ANK3: variants seen among roughly 807,000 people sequenced by gnomAD.
The protein encoded by ANK3 is ankyrin-3.
In ANK3, 57 loss-of-function variants were observed where a neutral mutation model predicts 370.9. The observed-to-expected ratio is 0.15, with a 90% CI of 0.12 to 0.19. ANK3 has a LOEUF of 0.19. Ranked by LOEUF, ANK3 falls within the 10% of genes least tolerant of loss-of-function variation. The pLI is 1.00. For missense variants in ANK3, 4,439 were observed against 5,302.1 expected (o/e 0.84, Z 5.06); for synonymous variants, 1,929 against 1,946.3 (o/e 0.99, Z 0.23).
At chr10:60,695,143 G>T (rs906025127) in intron 1 of ANK3, among the ~76,000 whole-genome samples, 3 of 151,938 alleles carry the variant, frequency 2.0e-5, no homozygotes, top group African/African-American at 7.3e-5. Context: ...GATCAAAAGA[G>T]ACAAAGAAGT....
intron 2 of ANK3, among the ~76,000 whole-genome samples, chr10:60,511,393 T>C (rs936749669): frequency 6.6e-6 from 1 of 152,104 alleles, no homozygotes; most frequent in Non-Finnish European, 1.5e-5. Flanking sequence ...CTCCAAATAA[T>C]TGTAGAATTG....
chr10:60,070,469 C>T lies in ANK3; in HGVS notation c.10412G>A (p.Gly3471Glu). 6.2e-7 allele frequency: 1 copy of T among 1,614,122 alleles called. No individual in the cohort carries two copies. The highest frequency in any genetic ancestry group is 8.5e-7 in the Non-Finnish European group (1 of 1,180,006). Reference protein sequence around the residue: ...QSKLEVIEEEGKVGPDEDKPP... With the variant: ...QSKLEVIEEEEKVGPDEDKPP... Reference sequence around the variant, plus strand: ...CTTGTCCTCATCTGGTCCCACCTTTCCCTCCTCCTCGATAACTTCAAGTTT... The same window carrying T: ...CTTGTCCTCATCTGGTCCCACCTTTTCCTCCTCCTCGATAACTTCAAGTTT... The change falls in exon 37 of 44, where the codon GGA (glycine) becomes GAA (glutamate). Residue 3471 changes from glycine (G) to glutamate (E), a missense_variant. Transcript: ENST00000280772. This position sits in a 1 kb window ranked among gnomAD's most constrained non-coding sequence, Gnocchi z 5.7.
At chr10:60,585,754 T>C (rs558525605) in intron 2 of ANK3, among the ~76,000 whole-genome samples, 11 of 152,332 alleles carry the variant, frequency 7.2e-5, no homozygotes, top group African/African-American at 2.6e-4. Context: ...CTGGGTGCAG[T>C]GGCTCACGTA....
intron 3 of ANK3, 50 bp from the exon 4 acceptor site, chr10:60,278,922 C>T: frequency 6.3e-7 from 1 of 1,590,326 alleles, no homozygotes; most frequent in Non-Finnish European, 8.6e-7. Flanking sequence ...TTTGAATTTT[C>T]CTGTTCTCCC....
At chr10:60,558,040 G>A (rs548185062) in intron 2 of ANK3, among the ~76,000 whole-genome samples, 17 of 152,262 alleles carry the variant, frequency 1.1e-4, no homozygotes, top group African/African-American at 3.6e-4. Context: ...ATGGAAGACA[G>A]CAACTACAAA....
At position 60,166,659 on chromosome 10, in the gene ANK3, T is replaced by C. The variant is rs766245165; in HGVS notation, c.2552-6A>G. 3.7e-6 allele frequency: 6 copies of C among 1,613,244 alleles called. No homozygotes were observed. The African/African-American group carries it at 6.7e-5, about 18-fold the overall frequency. ...AGGGGCATTGGCTTTACGAACTGCA[T>C]GATTGAAGTGAACAATATAAGTGGA... is the stretch of plus-strand genomic sequence containing the variant. On this transcript the variant is annotated splice_region_variant and splice_polypyrimidine_tract_variant and intron_variant, in intron 22 of 43. Coordinates refer to ENST00000280772, the MANE Select transcript of ANK3 (RefSeq NM_020987.5).
chr10:60,049,698 TATA>T (rs1156879541), intron 42 of ANK3, among the ~76,000 whole-genome samples: 14 of 152,232 alleles, frequency 9.2e-5, no homozygotes, highest in Admixed American at 3.3e-4. Context: ...GTTAATATGT[TATA>T]ATCATATTTT....
intron 2 of ANK3, among the ~76,000 whole-genome samples, chr10:60,604,512 A>G (rs542792910): frequency 2.6e-5 from 4 of 152,304 alleles, no homozygotes; most frequent in African/African-American, 9.6e-5. Flanking sequence ...CTCTAATTTG[A>G]TTGCTGGCTT....
rs142831112 is a variant in ANK3 at position 60,420,672 on chromosome 10, T to G, written c.97-141033A>C. On this transcript the variant is annotated intron_variant, in intron 2 of 43. Coordinates refer to the ANK3 transcript ENST00000373827. ...ACCATTATTACACCTGAAATCCTGT[T>G]GTCCCCTAAATGAACAGTGTTTACA... is the stretch of plus-strand genomic sequence containing the variant. Among the ~76,000 whole-genome samples, 60 of 152,250 alleles carry G rather than the reference T, an allele frequency of 3.9e-4. No homozygotes were observed. The East Asian group carries it at 0.012, about 29-fold the overall frequency.
chr10:60,529,009 T>C (rs10821790), intron 2 of ANK3, among the ~76,000 whole-genome samples: 104,262 of 151,852 alleles, frequency 0.69, 36,196 homozygotes, highest in South Asian at 0.88. Flanking sequence ...CACATTTGAG[T>C]CATCTGTTAA....
chr10:60,237,584 G>GTTTCTTTTTTTT (rs1233481294), intron 7 of ANK3, among the ~76,000 whole-genome samples: 1 of 150,990 alleles, frequency 6.6e-6, no homozygotes, highest in Middle Eastern at 3.2e-3. Flanking sequence ...GGTGCCTTGA[G>GTTTCTTTTTTTT]TTTCTTTTTT....
At chr10:60,176,700 A>C (rs1193439913) in intron 18 of ANK3, among the ~76,000 whole-genome samples, 1 of 152,200 alleles carries the variant, frequency 6.6e-6, no homozygotes, top group Non-Finnish European at 1.5e-5. Context: ...TAGAGGTTGC[A>C]GTGAGCCAAG....
At chr10:60,240,306 A>ATATATATATATATTTTTT (rs11282162) in intron 7 of ANK3, among the ~76,000 whole-genome samples, 4 of 119,772 alleles carry the variant, frequency 3.3e-5, no homozygotes, top group Non-Finnish European at 5.1e-5. Flanking sequence ...ATATATATAT[A>ATATATATATATATTTTTT]TTTTTTTTTC....
chr10:60,192,814 C>G (rs1323767617), intron 16 of ANK3, among the ~76,000 whole-genome samples: 1 of 152,156 alleles, frequency 6.6e-6, no homozygotes, highest in Admixed American at 6.5e-5. Flanking sequence ...CCATGTAACA[C>G]AACTGCACTT....
Position 60,029,714 on chromosome 10 carries a change from A to G in ANK3, c.*132T>C, listed in dbSNP as rs762893617. The G allele has an allele frequency of 6.6e-6, 1 of 151,818 alleles. No individual in the cohort carries two copies. The highest frequency in any genetic ancestry group is 1.5e-5 in the Non-Finnish European group (1 of 67,886). 9.4% of individuals were successfully genotyped at this position (151,818 alleles called of 1,614,324 possible). A position where few individuals can be genotyped will look rare whatever the true frequency, so the allele number is the denominator to read the frequency against. On this transcript the variant is annotated 3_prime_UTR_variant, in exon 44 of 44. Transcript: ENST00000280772. ...CTTTTCTTTTTGCATAAAAAAAATC[A>G]TGCCATTAATGTGTGGAAGCAGCGA... is the stretch of plus-strand genomic sequence containing the variant.
intron 1 of ANK3, among the ~76,000 whole-genome samples, chr10:60,312,413 T>A (rs1057336203): frequency 1.3e-5 from 2 of 152,198 alleles, no homozygotes; most frequent in Non-Finnish European, 1.5e-5. Context: ...GTCTGCTCCT[T>A]ATTGATGTGT....
chr10:60,448,364 A>C (rs1437853166), intron 2 of ANK3, among the ~76,000 whole-genome samples: 2 of 152,240 alleles, frequency 1.3e-5, no homozygotes, highest in African/African-American at 4.8e-5. Context: ...TTCATTAGAA[A>C]GTCAGGAAAA....
Position 60,070,094 on chromosome 10 carries a change from C to G in ANK3, c.10787G>C (p.Ser3596Thr). The G allele has an allele frequency of 6.2e-7, 1 of 1,614,134 alleles. No homozygotes were observed. Among genetic ancestry groups the G allele is most frequent in the South Asian group, 1.1e-5 (1 of 91,086 alleles). The change falls in exon 37 of 44, where the codon AGT becomes ACT. Residue 3596 changes from serine to threonine, a missense_variant. This residue lies in a region of ANK3 where 1,601 missense variants were observed against 1,731.7 expected (regional missense o/e 0.92). Transcript: ENST00000280772. The surrounding 1 kb of genome is among the most constrained non-coding windows in gnomAD (Gnocchi z 5.7). Reference protein sequence around the residue: ...RTPTDESTPTSEPNPFPFHEG... With the variant: ...RTPTDESTPTTEPNPFPFHEG... ...ATGAAATGGGAAGGGGTTAGGCTCA[C>G]TAGTTGGGGTACTTTCATCAGTTGG...
intron 2 of ANK3, among the ~76,000 whole-genome samples, chr10:60,464,506 C>G (rs921696284): frequency 1.6e-5 from 2 of 128,006 alleles, no homozygotes; most frequent in East Asian, 2.2e-4. Context: ...AGAACACTCT[C>G]TAACTAAAAC....
Sources: allele counts gnomAD v4.1 joint callset (sites outside exome capture counted in the v4.1 genomes callset), GRCh38; gene constraint gnomAD v4.1.1; regional missense constraint gnomAD v4.1.1; non-coding constraint Gnocchi (gnomAD v3.1); transcripts MANE v1.5; gene names NCBI Gene and HGNC (gene_info 2026-07-23, HGNC 2026-07-21).